The following CCDC171 variants were observed in gnomAD, a reference collection of about 807,000 sequenced individuals.
CCDC171 encodes coiled-coil domain containing 171.
In CCDC171, 177 loss-of-function variants were observed where a neutral mutation model predicts 168.2. The observed-to-expected ratio is 1.05, with a 90% CI of 0.93 to 1.19. CCDC171 has a LOEUF of 1.19. Among genes scored for constraint, CCDC171 ranks in the 50% most tolerant of loss-of-function variants. The pLI, the probability that CCDC171 is intolerant of heterozygous loss-of-function variation, is 0.00. For synonymous variants in CCDC171, 687 were observed against 540.8 expected, an observed-to-expected ratio of 1.27 and a Z score of -3.75; for missense variants, 1,991 against 1,539.0, an observed-to-expected ratio of 1.29 and a Z score of -4.91.
intron 7 of CCDC171, among the ~76,000 whole-genome samples, chr9:15,639,907 G>A (rs753197381): frequency 6.6e-5 from 10 of 152,122 alleles, no homozygotes; most frequent in Non-Finnish European, 1.2e-4. Flanking sequence ...ATCCTTTAGC[G>A]ACAAATGAAT....
intron 11 of CCDC171, among the ~76,000 whole-genome samples, chr9:15,698,977 T>A (rs1312724879): frequency 6.6e-6 from 1 of 152,240 alleles, no homozygotes; most frequent in Non-Finnish European, 1.5e-5. Context: ...TGATTTTCTT[T>A]CCTTTGGATA....
chr9:15,941,334 A>G (rs943302942), intron 25 of CCDC171, among the ~76,000 whole-genome samples: 2 of 151,962 alleles, frequency 1.3e-5, no homozygotes, highest in African/African-American at 4.8e-5. Flanking sequence ...TGGTTAACTT[A>G]TTACTTTGTT....
At chr9:16,086,273 T>A in the CCDC171 span, among the ~76,000 whole-genome samples, 1 of 152,114 alleles carries the variant, frequency 6.6e-6, no homozygotes. Context: ...GATACTAGTT[T>A]GTATTTCTAT....
intron 25 of CCDC171, 107 bp downstream of exon 25, chr9:15,920,529 G>C (rs543519239): frequency 2.6e-6 from 2 of 759,970 alleles, no homozygotes; most frequent in East Asian, 5.6e-5. Flanking sequence ...TATAATTTAG[G>C]GTAAATGATC....
At chr9:15,575,113 A>G (rs1051943235) in intron 3 of CCDC171, among the ~76,000 whole-genome samples, 1 of 151,180 alleles carries the variant, frequency 6.6e-6, no homozygotes, top group Non-Finnish European at 1.5e-5. Flanking sequence ...AAGAAAATCC[A>G]GATAAATTAG....
upstream of CCDC171, among the ~76,000 whole-genome samples, chr9:16,040,646 TAGAG>T: frequency 6.6e-6 from 1 of 152,234 alleles, no homozygotes; most frequent in Admixed American, 6.5e-5. Context: ...GGTTAAATCA[TAGAG>T]TGTTTTACAA....
chr9:15,711,495 T>G (rs1306644029), intron 11 of CCDC171, among the ~76,000 whole-genome samples: 1 of 152,180 alleles, frequency 6.6e-6, no homozygotes, highest in African/African-American at 2.4e-5. Flanking sequence ...TAGGAGAAAT[T>G]GTAGACTTTT....
chr9:15,990,652 C>T (rs1832160455), intron 3 of CCDC171, among the ~76,000 whole-genome samples: 1 of 152,146 alleles, frequency 6.6e-6, no homozygotes, highest in Admixed American at 6.5e-5. Context: ...AGCGTCAAGA[C>T]CCATCAGTGT....
chr9:16,037,668 GAA>G (rs1564130546), intron 8 of CCDC171, among the ~76,000 whole-genome samples: 2 of 152,072 alleles, frequency 1.3e-5, no homozygotes, highest in East Asian at 3.9e-4. Context: ...ATTTTAAAAA[GAA>G]ACAAATGAAA....
chr9:15,769,357 C>G (rs1023017059), intron 18 of CCDC171, among the ~76,000 whole-genome samples: 1 of 152,106 alleles, frequency 6.6e-6, no homozygotes, highest in African/African-American at 2.4e-5. Flanking sequence ...AATAAGGGAT[C>G]TCTTAACCAG....
the CCDC171 span, among the ~76,000 whole-genome samples, chr9:16,084,107 G>A: frequency 6.6e-6 from 1 of 152,212 alleles, no homozygotes; most frequent in Non-Finnish European, 1.5e-5. Flanking sequence ...ATATGTTCCA[G>A]AAGTTGAGCT....
chr9:16,011,865 A>G (rs558559159), intron 3 of CCDC171, among the ~76,000 whole-genome samples: 92 of 152,300 alleles, frequency 6.0e-4, no homozygotes, highest in South Asian at 5.0e-3. Context: ...ACTCCTGCTC[A>G]TCAGTCAGAA....
chr9:15,648,013 A>T (rs1237297343), intron 7 of CCDC171, among the ~76,000 whole-genome samples: 2 of 152,208 alleles, frequency 1.3e-5, no homozygotes, highest in African/African-American at 4.8e-5. Context: ...ATACTGGCAA[A>T]CCGAATCCAG....
At chr9:15,604,213 A>T (rs965927836) in intron 6 of CCDC171, among the ~76,000 whole-genome samples, 4 of 151,608 alleles carry the variant, frequency 2.6e-5, no homozygotes, top group Admixed American at 2.6e-4. Flanking sequence ...GTTTGCTCTG[A>T]TGATAGTTTA....
chr9:15,874,697 A>C lies in CCDC171; in HGVS notation c.3600+34A>C, dbSNP rs750369929. ...CTAAATAACATTGTTTGCTACTGAGACATATAGAAAAATAAATTGCACTAA... is the reference window on the plus strand; with the variant it reads ...CTAAATAACATTGTTTGCTACTGAGCCATATAGAAAAATAAATTGCACTAA... On this transcript the variant is annotated intron_variant, in intron 24 of 25. Coordinates refer to ENST00000380701, the MANE Select transcript of CCDC171 (RefSeq NM_173550.4). The C allele has an allele frequency of 2.0e-6, 3 of 1,484,390 alleles. No individual in the cohort carries two copies. The African/African-American group carries it at 4.3e-5, about 21-fold the overall frequency. 92.0% of individuals were successfully genotyped at this position (1,484,390 alleles called of 1,614,324 possible).
chr9:15,812,268 A>C (rs1411277284), intron 21 of CCDC171, among the ~76,000 whole-genome samples: 1 of 152,204 alleles, frequency 6.6e-6, no homozygotes, highest in Non-Finnish European at 1.5e-5. Flanking sequence ...GGAAACCACC[A>C]TTAAGTTCAA....
rs373672355 is a variant in CCDC171 at position 15,623,367 on chromosome 9, T to A, written c.776T>A (p.Leu259His). Residue 259 changes from leucine (L) to histidine (H), a missense_variant, in exon 7 of 26, where the codon CTT (leucine) becomes CAT (histidine). By Grantham distance (99) the Leu-to-His change is moderately conservative (BLOSUM62 -3). Coordinates refer to ENST00000380701, the MANE Select transcript of CCDC171 (RefSeq NM_173550.4). ...CTTTTACGGCGACAAACAAGTGAAC[T>A]TGAATTTAGCACTCAACGAGAGGAA... ...SDLLRRQTSE[L>H]EFSTQREERL... The A allele has an allele frequency of 1.9e-6, 3 of 1,612,364 alleles. No homozygotes were observed. Among genetic ancestry groups the A allele is most frequent in the South Asian group, 1.1e-5 (1 of 90,784 alleles).
At chr9:15,900,698 T>C (rs992478492) in intron 24 of CCDC171, among the ~76,000 whole-genome samples, 5 of 152,206 alleles carry the variant, frequency 3.3e-5, no homozygotes, top group African/African-American at 1.2e-4. Context: ...ATTTTGATTA[T>C]TGGAGCTTAC....
chr9:16,070,489 C>T, the CCDC171 span, among the ~76,000 whole-genome samples: 5 of 152,170 alleles, frequency 3.3e-5, no homozygotes, highest in Non-Finnish European at 7.3e-5. Flanking sequence ...CTGGTTGGGC[C>T]TGGGGGCCCA....
Sources: allele counts gnomAD v4.1 joint callset (sites outside exome capture counted in the v4.1 genomes callset), GRCh38; gene constraint gnomAD v4.1.1; transcripts MANE v1.5; gene names NCBI Gene and HGNC (gene_info 2026-07-23, HGNC 2026-07-21).